DLG1: variants seen among roughly 807,000 people sequenced by gnomAD.
The protein encoded by DLG1 is discs large MAGUK scaffold protein 1, also known as disks large homolog 1.
In DLG1, 42 loss-of-function variants were observed where a neutral mutation model predicts 123.4. The observed-to-expected ratio is 0.34, with a 90% confidence interval of 0.27 to 0.44. DLG1 has a LOEUF of 0.44. Among genes scored for constraint, DLG1 ranks in the 20% least tolerant of loss-of-function variants. DLG1 has a pLI of 1.00. For synonymous variants in DLG1, 317 were observed against 356.2 expected (o/e 0.89, Z 1.24); for missense variants, 942 against 1,082.6 (o/e 0.87, Z 1.82).
chr3:197,182,637 GTGTA>G (rs1409316602), intron 5 of DLG1, among the ~76,000 whole-genome samples: 1 of 152,148 alleles, frequency 6.6e-6, no homozygotes, highest in Non-Finnish European at 1.5e-5. Context: ...CCTAAGGAAT[GTGTA>G]TGTATGTATT....
intron 5 of DLG1, among the ~76,000 whole-genome samples, chr3:197,173,979 A>G (rs1805671921): frequency 6.6e-6 from 1 of 152,152 alleles, no homozygotes; most frequent in African/African-American, 2.4e-5. Context: ...GCTACTTAGG[A>G]GGCTGGGGCA....
intron 4 of DLG1, among the ~76,000 whole-genome samples, chr3:197,260,756 A>C (rs1759018762): frequency 7.1e-6 from 1 of 139,972 alleles, no homozygotes; most frequent in African/African-American, 2.7e-5. Flanking sequence ...CCACCAAAAA[A>C]AAAAAAAAAA....
At chr3:197,252,533 T>C (rs1274044095) in intron 4 of DLG1, among the ~76,000 whole-genome samples, 1 of 152,136 alleles carries the variant, frequency 6.6e-6, no homozygotes, top group East Asian at 1.9e-4. Flanking sequence ...CTTACGGTAG[T>C]TAAAATCAGA....
Position 197,085,634 on chromosome 3 carries a change from T to C in DLG1, c.1784A>G (p.Gln595Arg), listed in dbSNP as rs1483420316. 2 of 1,613,962 alleles carry C rather than the reference T, an allele frequency of 1.2e-6. No homozygotes were observed. Among genetic ancestry groups the C allele is most frequent in the Non-Finnish European group, 8.5e-7 (1 of 1,180,014 alleles). ...ATCGCTCTCACCATCTGGTGTAACC[T>C]GCCTGGCTTGCCACCATTCATCATC... ...ASDDEWWQARQVTPDGESDEV... is the reference protein window; with the variant it reads ...ASDDEWWQARRVTPDGESDEV... Residue 595 changes from glutamine to arginine, a missense_variant, in exon 16 of 25, where the codon CAG becomes CGG. Coordinates refer to ENST00000667157, the MANE Select transcript of DLG1 (RefSeq NM_001366207.1).
At chr3:197,133,756 A>G (rs1371090387) in intron 10 of DLG1, among the ~76,000 whole-genome samples, 2 of 152,206 alleles carry the variant, frequency 1.3e-5, no homozygotes, top group African/African-American at 2.4e-5. Flanking sequence ...GGCACCAGAC[A>G]TCAGAAAGAC....
intron 5 of DLG1, among the ~76,000 whole-genome samples, chr3:197,160,331 C>T (rs1274740571): frequency 6.7e-6 from 1 of 148,420 alleles, no homozygotes; most frequent in Non-Finnish European, 1.5e-5. Flanking sequence ...AAAAAATTGA[C>T]TGAAGTGAGA....
intron 4 of DLG1, among the ~76,000 whole-genome samples, chr3:197,229,675 A>G (rs1478175971): frequency 6.6e-6 from 1 of 152,194 alleles, no homozygotes; most frequent in Non-Finnish European, 1.5e-5. Context: ...CAAGTTTAAC[A>G]TCTTACTATT....
rs1413444662 is a variant in DLG1 at position 197,231,522 on chromosome 3, G to A, written c.319-36933C>T. Among the ~76,000 whole-genome samples the A allele has an allele frequency of 5.3e-5, 8 of 151,980 alleles. No homozygotes were observed. The South Asian group carries it at 6.2e-4, about 12-fold the overall frequency. ...TCAAGACCAGCTTGGGCAACAGAGC[G>A]AAACCCTGTCTCTACAAAAAATACA... is the stretch of plus-strand genomic sequence containing the variant. On this transcript the variant is annotated intron_variant, in intron 4 of 24. Transcript: ENST00000667157.
At chr3:197,274,969 G>A (rs759471280) in intron 4 of DLG1, among the ~76,000 whole-genome samples, 12 of 152,158 alleles carry the variant, frequency 7.9e-5, no homozygotes, top group Admixed American at 2.0e-4. Flanking sequence ...CAGATCACGA[G>A]GTCAGGACTT....
At chr3:197,061,342 ACT>A (rs1221591277) in intron 22 of DLG1, among the ~76,000 whole-genome samples, 13 of 152,260 alleles carry the variant, frequency 8.5e-5, no homozygotes, top group Non-Finnish European at 1.6e-4. Flanking sequence ...GTTTGCTTTA[ACT>A]CTTTCTATAT....
At chr3:197,172,672 T>C (rs951240473) in intron 5 of DLG1, among the ~76,000 whole-genome samples, 2 of 152,198 alleles carry the variant, frequency 1.3e-5, no homozygotes, top group African/African-American at 2.4e-5. Context: ...ATATACATAG[T>C]AGACATTGCT....
chr3:197,183,654 C>T (rs1165855754), intron 5 of DLG1: 6 of 1,550,410 alleles, frequency 3.9e-6, no homozygotes, highest in East Asian at 2.4e-5. Flanking sequence ...CTGCTGCCAG[C>T]GTGAAGGTTC....
intron 14 of DLG1, 28 bp downstream of exon 14, chr3:197,104,875 T>A (rs1460510376): frequency 1.4e-6 from 2 of 1,442,284 alleles, no homozygotes; most frequent in Non-Finnish European, 1.9e-6. Context: ...AAATAAGCAA[T>A]AACTATAGAC....
At chr3:197,225,281 A>G (rs1739258245) in intron 4 of DLG1, among the ~76,000 whole-genome samples, 2 of 152,238 alleles carry the variant, frequency 1.3e-5, no homozygotes, top group Admixed American at 6.5e-5. Context: ...AATATTTTAT[A>G]TAAGAATAAC....
At chr3:197,240,247 T>C (rs150808743) in intron 4 of DLG1, among the ~76,000 whole-genome samples, 1 of 152,332 alleles carries the variant, frequency 6.6e-6, no homozygotes, top group African/African-American at 2.4e-5. Context: ...ACAGGTCCCC[T>C]GGGCAGGAAC....
chr3:197,067,311 A>C (rs765459997), intron 19 of DLG1, among the ~76,000 whole-genome samples: 96 of 152,166 alleles, frequency 6.3e-4, no homozygotes, highest in Non-Finnish European at 1.2e-3. Flanking sequence ...AAAAATAATA[A>C]ATTTAATGTG....
intron 5 of DLG1, among the ~76,000 whole-genome samples, chr3:197,176,248 T>C (rs1252152507): frequency 6.6e-6 from 1 of 152,060 alleles, no homozygotes; most frequent in African/African-American, 2.4e-5. Flanking sequence ...CTCACACACA[T>C]AAACTATCCA....
At chr3:197,060,750 T>C (rs929210122) in intron 22 of DLG1, among the ~76,000 whole-genome samples, 9 of 152,340 alleles carry the variant, frequency 5.9e-5, no homozygotes, top group African/African-American at 1.4e-4. Flanking sequence ...ATGTTAAGCA[T>C]AGTATTTATT....
At chr3:197,247,295 A>T (rs1335273289) in intron 4 of DLG1, among the ~76,000 whole-genome samples, 1 of 152,184 alleles carries the variant, frequency 6.6e-6, no homozygotes, top group Admixed American at 6.5e-5. Context: ...AGGCCAGAGA[A>T]CATTGATTCA....
Sources: gnomAD v4.1 joint callset for allele counts (sites outside exome capture counted in the v4.1 genomes callset) on GRCh38, gnomAD v4.1.1 for gene constraint, MANE v1.5 for transcripts, NCBI Gene and HGNC (gene_info 2026-07-23, HGNC 2026-07-21) for gene names.